The following ANKHD1 variants were observed in gnomAD, a reference collection of about 807,000 sequenced individuals.
ANKHD1 encodes ankyrin repeat and KH domain containing 1, also known as ankyrin repeat and KH domain-containing protein 1.
Under a neutral mutation model 230.5 loss-of-function variants are expected in ANKHD1, and 31 were observed. That is an observed-to-expected ratio of 0.13 (90% confidence interval 0.10 to 0.18). The LOEUF (loss-of-function observed/expected upper bound fraction) is 0.18, where lower values mean the gene tolerates loss of function less well. ANKHD1 is among the 10% of genes least tolerant of loss of function. ANKHD1 has a pLI of 1.00. For missense variants in ANKHD1, 2,256 were observed against 3,071.3 expected (o/e 0.73, Z 6.27); for synonymous variants, 1,074 against 1,117.6 (o/e 0.96, Z 0.78).
chr5:140,480,080 G>C (rs550265617), intron 10 of ANKHD1, among the ~76,000 whole-genome samples: 2 of 149,092 alleles, frequency 1.3e-5, no homozygotes, highest in Admixed American at 1.3e-4. Context: ...TTAGTAGTCA[G>C]ATATTTTGGG....
chr5:140,404,062 G>A (rs182891952), intron 1 of ANKHD1, among the ~76,000 whole-genome samples: 1 of 152,150 alleles, frequency 6.6e-6, no homozygotes, highest in Non-Finnish European at 1.5e-5. Flanking sequence ...TGAATTTCAC[G>A]GTAAGGGAAA....
In ANKHD1 at chr5:140,445,785, C is replaced by T. The variant is rs774695558; in HGVS notation, c.957C>T (p.Asp319=). The part of the protein sequence containing the change: ...LTYACAGGFV[D]IVKVLLNEGA... ...ATGCATGTGCTGGAGGATTTGTTGA[C>T]ATTGTTAAAGTGCTCCTTAATGAAG... is the stretch of plus-strand genomic sequence containing the variant. The change falls in exon 6 of 34, where the codon GAC becomes GAT. Residue 319 remains aspartate (D), a synonymous_variant. Coordinates refer to ENST00000360839, the MANE Select transcript of ANKHD1 (RefSeq NM_017747.3). The T allele has an allele frequency of 4.3e-6, 7 of 1,611,634 alleles. No individual in the cohort carries two copies. Among genetic ancestry groups the T allele is most frequent in the Non-Finnish European group, 5.9e-6 (7 of 1,178,698 alleles).
intron 1 of ANKHD1, among the ~76,000 whole-genome samples, chr5:140,427,140 A>AG (rs1772503313): frequency 1.5e-5 from 2 of 135,328 alleles, no homozygotes; most frequent in East Asian, 2.3e-4. Context: ...CTGGCCGGGC[A>AG]GGGGGCTGAC....
At chr5:140,495,537 G>A (rs1751996263) in intron 14 of ANKHD1, among the ~76,000 whole-genome samples, 1 of 152,130 alleles carries the variant, frequency 6.6e-6, no homozygotes, top group Non-Finnish European at 1.5e-5. Context: ...GAGCCACTGT[G>A]CCTGGCCTAG....
At chr5:140,405,834 C>T (rs948918321) in intron 1 of ANKHD1, among the ~76,000 whole-genome samples, 7 of 152,094 alleles carry the variant, frequency 4.6e-5, no homozygotes, top group African/African-American at 1.7e-4. Flanking sequence ...CGTTTTGTCA[C>T]GTTGGCCAGG....
chr5:140,511,987 G>A (rs1752791150), intron 22 of ANKHD1, among the ~76,000 whole-genome samples: 1 of 152,140 alleles, frequency 6.6e-6, no homozygotes, highest in Non-Finnish European at 1.5e-5. Context: ...CATAATCCCA[G>A]CACTTTGGGA....
chr5:140,425,580 G>C (rs771288534), intron 1 of ANKHD1, among the ~76,000 whole-genome samples: 23 of 150,644 alleles, frequency 1.5e-4, no homozygotes, highest in Admixed American at 7.3e-4. Context: ...TTTTGAGAAG[G>C]GGGGATTGTG....
At chr5:140,469,368 G>A (rs984818313) in intron 10 of ANKHD1, among the ~76,000 whole-genome samples, 11 of 130,804 alleles carry the variant, frequency 8.4e-5, no homozygotes, top group Non-Finnish European at 1.6e-4. Context: ...AAAATTAGCC[G>A]GGTGTGGTTG....
At chr5:140,531,957 C>T (rs1753844799) in intron 29 of ANKHD1, among the ~76,000 whole-genome samples, 1 of 151,856 alleles carries the variant, frequency 6.6e-6, no homozygotes, top group Admixed American at 6.6e-5. Context: ...GCCTATAATC[C>T]CAGCACTTTG....
At chr5:140,450,035 A>G (rs1774590307) in intron 7 of ANKHD1, among the ~76,000 whole-genome samples, 1 of 152,174 alleles carries the variant, frequency 6.6e-6, no homozygotes, top group African/African-American at 2.4e-5. Context: ...TCCTTTTTCT[A>G]CTTCTGTAAG....
chr5:140,404,868 C>T (rs1770291765), intron 1 of ANKHD1, among the ~76,000 whole-genome samples: 1 of 151,448 alleles, frequency 6.6e-6, no homozygotes, highest in Admixed American at 6.6e-5. Context: ...CAACCATTTG[C>T]TTTTTTATAA....
In ANKHD1 at chr5:140,401,884, T is replaced by G; in HGVS notation, c.-84T>G. The stretch of plus-strand genomic sequence containing the variant: ...ACGGGGGAAAGGAGACGCTTCTTCC[T>G]CTTGCTGCTCTTCTCGTTCCCGAGA... On this transcript the variant is annotated 5_prime_UTR_variant, in exon 1 of 34. Coordinates refer to ENST00000360839, the MANE Select transcript of ANKHD1 (RefSeq NM_017747.3). 6.8e-7 allele frequency: 1 copy of G among 1,476,804 alleles called. No individual in the cohort carries two copies. The highest frequency in any genetic ancestry group is 8.9e-7 in the Non-Finnish European group (1 of 1,121,642). The allele number at this position is 1,476,804 out of a possible 1,614,324, so 91.5% of individuals were successfully genotyped here.
In ANKHD1 at chr5:140,538,082, C is replaced by G. The variant is rs1225231854; in HGVS notation, c.7229-4C>G. 1 of 1,600,872 alleles carries G rather than the reference C, an allele frequency of 6.2e-7. No homozygotes were observed. The highest frequency in any genetic ancestry group is 2.2e-5 in the East Asian group (1 of 44,606). On this transcript the variant is annotated splice_polypyrimidine_tract_variant and splice_region_variant and intron_variant, in intron 31 of 33. Coordinates refer to ENST00000360839, the MANE Select transcript of ANKHD1 (RefSeq NM_017747.3). Reference sequence around the variant, plus strand: ...AAAACTTTGTTTTCAATTATTCTTTCCAGAAGGCTTATCAGGTTGGTCGCA... The same window carrying G: ...AAAACTTTGTTTTCAATTATTCTTTGCAGAAGGCTTATCAGGTTGGTCGCA...
intron 1 of ANKHD1, among the ~76,000 whole-genome samples, chr5:140,419,751 C>T (rs939005070): frequency 6.6e-6 from 1 of 150,734 alleles, no homozygotes; most frequent in African/African-American, 2.4e-5. Context: ...TCTTTCTTTT[C>T]TTTTCTCTTC....
At chr5:140,441,868 A>G (rs1773875296) in intron 5 of ANKHD1, among the ~76,000 whole-genome samples, 1 of 151,982 alleles carries the variant, frequency 6.6e-6, no homozygotes, top group South Asian at 2.1e-4. Flanking sequence ...ACAACATGTC[A>G]TATACCTTAT....
chr5:140,525,364 G>A (rs539131303), intron 25 of ANKHD1, among the ~76,000 whole-genome samples: 1 of 151,992 alleles, frequency 6.6e-6, no homozygotes, highest in South Asian at 2.1e-4. Flanking sequence ...CCAGGTTCAG[G>A]TGATCCGCCC....
intron 1 of ANKHD1, among the ~76,000 whole-genome samples, chr5:140,403,480 C>T (rs1214032507): frequency 1.3e-5 from 2 of 151,912 alleles, no homozygotes; most frequent in East Asian, 1.9e-4. Flanking sequence ...GGCGCGATCT[C>T]GGCACACTGC....
rs762202226 is a variant in ANKHD1, at chr5:140,485,294, T to C, written c.1998+46T>C. On this transcript the variant is annotated intron_variant, in intron 12 of 33. Transcript: ENST00000360839. This position sits in a 1 kb window ranked among gnomAD's most constrained non-coding sequence, Gnocchi z 4.8. ...TAAACAGGCTGTGTGCGGTGGCTCA[T>C]GTCTATGATCCCAGCACTTTAGAAA... 1.3e-6 allele frequency: 2 copies of C among 1,578,768 alleles called. No individual in the cohort carries two copies. The highest frequency in any genetic ancestry group is 1.7e-6 in the Non-Finnish European group (2 of 1,157,446).
At chr5:140,533,813 TAGAAATGATTCATTTCAATAAAAAAAGAA>T (rs1248094929) in intron 29 of ANKHD1, among the ~76,000 whole-genome samples, 2 of 149,468 alleles carry the variant, frequency 1.3e-5, no homozygotes, top group Admixed American at 6.7e-5. Flanking sequence ...GAAGTTATTA[TAGAAATGATTCATTTCAATAAAAAAAGAA>T]AGAAATGATT....
Sources: allele counts gnomAD v4.1 joint callset (sites outside exome capture counted in the v4.1 genomes callset), GRCh38; gene constraint gnomAD v4.1.1; non-coding constraint Gnocchi (gnomAD v3.1); transcripts MANE v1.5; gene names NCBI Gene and HGNC (gene_info 2026-07-23, HGNC 2026-07-21).